The following SLC14A2 variants were observed in gnomAD, a reference collection of about 807,000 sequenced individuals.
SLC14A2 encodes solute carrier family 14 member 2.
Under a neutral mutation model 104.6 loss-of-function variants are expected in SLC14A2, and 91 were observed. The ratio of observed to expected loss-of-function variants is 0.87; its 90% CI spans 0.73 to 1.04. The LOEUF (loss-of-function observed/expected upper bound fraction) is 1.04. SLC14A2 is among the 50% of genes least tolerant of loss of function. The probability of loss-of-function intolerance (pLI) is 0.00; values close to 1 mark genes in which losing one functional copy is unlikely to be tolerated. For missense variants in SLC14A2, 1,189 were observed against 1,156.0 expected, an observed-to-expected ratio of 1.03 and a Z score of -0.41; for synonymous variants, 476 against 466.4, an observed-to-expected ratio of 1.02 and a Z score of -0.27.
At chr18:45,542,074 C>CTTTTTTTTTTTTTTTTTTTTTTT (rs1598983649) in intron 2 of SLC14A2, 20 of 51,954 alleles carry the variant, frequency 3.8e-4, no homozygotes, top group Non-Finnish European at 4.8e-4. Flanking sequence ...TTTTTTTTTG[C>CTTTTTTTTTTTTTTTTTTTTTTT]TTTTGAGTTT....
intron 2 of SLC14A2, among the ~76,000 whole-genome samples, chr18:45,498,464 G>A (rs564367532): frequency 6.6e-6 from 1 of 152,314 alleles, no homozygotes; most frequent in South Asian, 2.1e-4. Context: ...ACAGGAAGCA[G>A]CCTGGTTGAA....
Position 45,668,002 on chromosome 18 carries a change from C to G in SLC14A2, c.1887C>G (p.Ala629=). 6.2e-7 allele frequency: 1 copy of G among 1,614,092 alleles called. No individual in the cohort carries two copies. Among genetic ancestry groups the G allele is most frequent in the South Asian group, 1.1e-5 (1 of 91,078 alleles). Residue 629 remains alanine, a synonymous_variant, in exon 14 of 20, where the codon GCC becomes GCG. Transcript: ENST00000255226. ...GTACCATCATGTCCACCTTGACAGC[C>G]CTCATCCTGAGTCAGGACAAGTAAG... ...CLGTIMSTLT[A]LILSQDKSAI... is the part of the protein sequence containing the mutation.
chr18:45,612,275 G>T (rs963554206), upstream of SLC14A2, among the ~76,000 whole-genome samples: 2 of 152,206 alleles, frequency 1.3e-5, no homozygotes, highest in Non-Finnish European at 2.9e-5. Flanking sequence ...GACTCTGCGG[G>T]CTGGCAAGAT....
chr18:45,332,388 T>C (rs578202700), intron 1 of SLC14A2, among the ~76,000 whole-genome samples: 2 of 152,206 alleles, frequency 1.3e-5, no homozygotes, highest in Non-Finnish European at 2.9e-5. Context: ...CTAAAGATAA[T>C]TAAAGTTACA....
rs533947076 is a variant in SLC14A2, at chr18:45,404,222, C to T, written c.-124-79011C>T. On this transcript the variant is annotated intron_variant, in intron 1 of 20. Coordinates refer to the SLC14A2 transcript ENST00000586448. ...TCCCTCCTTTAGTTATGGGATAACT[C>T]ATTTATCCTTGGGTTCTTACTGTCT... Among the ~76,000 whole-genome samples the T allele has an allele frequency of 2.6e-5, 4 of 152,262 alleles. No individual in the cohort carries two copies. In the South Asian group the frequency reaches 8.3e-4, roughly 32 times the overall value.
intron 2 of SLC14A2, among the ~76,000 whole-genome samples, chr18:45,600,622 C>T (rs1237434976): frequency 6.6e-6 from 1 of 152,128 alleles, no homozygotes; most frequent in African/African-American, 2.4e-5. Flanking sequence ...AGAGCAGCAG[C>T]AGTCACTGGG....
At chr18:45,234,895 T>C (rs1034781911) in intron 1 of SLC14A2, among the ~76,000 whole-genome samples, 5 of 152,168 alleles carry the variant, frequency 3.3e-5, no homozygotes, top group African/African-American at 1.2e-4. Context: ...TATTTAGTCC[T>C]CACAACATCC....
At chr18:45,293,937 C>G (rs1270621598) in intron 1 of SLC14A2, among the ~76,000 whole-genome samples, 1 of 152,154 alleles carries the variant, frequency 6.6e-6, no homozygotes, top group Non-Finnish European at 1.5e-5. Flanking sequence ...TAGAAGATAA[C>G]TGAGCGAGAT....
chr18:45,456,006 G>C (rs1438533075), intron 1 of SLC14A2, among the ~76,000 whole-genome samples: 1 of 152,138 alleles, frequency 6.6e-6, no homozygotes, highest in Non-Finnish European at 1.5e-5. Context: ...GTTAGTTCTA[G>C]ACCAGTTAAT....
chr18:45,439,069 G>A (rs1170162511), intron 1 of SLC14A2, among the ~76,000 whole-genome samples: 2 of 152,190 alleles, frequency 1.3e-5, no homozygotes, highest in Admixed American at 6.5e-5. Flanking sequence ...AGGATCACTT[G>A]AGGGCCGGAG....
chr18:45,475,329 G>A (rs2087338350), intron 1 of SLC14A2, among the ~76,000 whole-genome samples: 1 of 151,990 alleles, frequency 6.6e-6, no homozygotes. Context: ...ATGTGGTGTT[G>A]AGAAGAATGT....
At chr18:45,423,195 C>A (rs1364779852) in intron 1 of SLC14A2, among the ~76,000 whole-genome samples, 1 of 152,202 alleles carries the variant, frequency 6.6e-6, no homozygotes, top group Non-Finnish European at 1.5e-5. Flanking sequence ...AAGTTGTATT[C>A]CAGCACCGTC....
At chr18:45,538,662 T>C (rs1002009471) in intron 2 of SLC14A2, among the ~76,000 whole-genome samples, 61 of 151,990 alleles carry the variant, frequency 4.0e-4, no homozygotes, top group Admixed American at 2.5e-3. Flanking sequence ...TAACCTAATC[T>C]CAGAATTGAC....
At chr18:45,538,809 T>A (rs967690941) in intron 2 of SLC14A2, among the ~76,000 whole-genome samples, 1 of 150,776 alleles carries the variant, frequency 6.6e-6, no homozygotes, top group Admixed American at 6.6e-5. Context: ...ATTATTGCCA[T>A]GAGATGAGAA....
At chr18:45,376,235 T>A (rs891319904) in intron 1 of SLC14A2, among the ~76,000 whole-genome samples, 10 of 152,172 alleles carry the variant, frequency 6.6e-5, no homozygotes, top group African/African-American at 2.4e-4. Context: ...TTTGCACAAT[T>A]TGTATTTTGC....
At chr18:45,273,982 T>TAA (rs1568130448) in intron 1 of SLC14A2, among the ~76,000 whole-genome samples, 1 of 152,326 alleles carries the variant, frequency 6.6e-6, no homozygotes, top group African/African-American at 2.4e-5. Flanking sequence ...GTTTTAATTC[T>TAA]AAGACAGAAC....
chr18:45,529,805 G>A (rs1350717925), intron 2 of SLC14A2: 1 of 152,082 alleles, frequency 6.6e-6, no homozygotes, highest in East Asian at 1.9e-4. Context: ...TTTGGTGGGG[G>A]GCTATCTTGT....
chr18:45,295,638 C>A (rs1235236384), intron 1 of SLC14A2, among the ~76,000 whole-genome samples: 1 of 152,168 alleles, frequency 6.6e-6, no homozygotes, highest in Non-Finnish European at 1.5e-5. Context: ...ATCAGTCCTC[C>A]CAGCGAGGCG....
intron 1 of SLC14A2, among the ~76,000 whole-genome samples, chr18:45,376,041 A>G (rs943154900): frequency 1.8e-4 from 14 of 76,896 alleles, no homozygotes; most frequent in Non-Finnish European, 2.8e-4. Flanking sequence ...AGCCATGTGG[A>G]TCTGGGAGGT....
Sources: allele counts gnomAD v4.1 joint callset (sites outside exome capture counted in the v4.1 genomes callset), GRCh38; gene constraint gnomAD v4.1.1; transcripts MANE v1.5; gene names NCBI Gene and HGNC (gene_info 2026-07-23, HGNC 2026-07-21).